MTSS1: variants seen among roughly 807,000 people sequenced by gnomAD.
MTSS1 encodes protein MTSS 1.
MTSS1 carries 18 observed loss-of-function variants against 79.0 expected under a neutral mutation model. That is an observed-to-expected ratio of 0.23 (90% confidence interval 0.16 to 0.34). The LOEUF is 0.34. Among genes scored for constraint, MTSS1 ranks in the 10% least tolerant of loss-of-function variants. The pLI is 1.00. For missense variants in MTSS1, 815 were observed against 986.2 expected (o/e 0.83, Z 2.33); for synonymous variants, 341 against 368.6 (o/e 0.93, Z 0.86).
At chr8:124,695,605 T>C (rs1281028648) in intron 3 of MTSS1, among the ~76,000 whole-genome samples, 1 of 152,190 alleles carries the variant, frequency 6.6e-6, no homozygotes, top group Non-Finnish European at 1.5e-5. Context: ...GAGCTTGTAG[T>C]AGCAAATACC....
intron 3 of MTSS1, among the ~76,000 whole-genome samples, chr8:124,607,251 G>A (rs1835032491): frequency 6.6e-6 from 1 of 152,216 alleles, no homozygotes; most frequent in Non-Finnish European, 1.5e-5. Flanking sequence ...AAAAGTGGCT[G>A]CAACTAAGCC....
intron 1 of MTSS1, among the ~76,000 whole-genome samples, chr8:124,714,424 A>G (rs540975931): frequency 6.6e-6 from 1 of 152,246 alleles, no homozygotes; most frequent in African/African-American, 2.4e-5. Flanking sequence ...TTTGCTCCTA[A>G]GCAATGGTTA....
intron 3 of MTSS1, among the ~76,000 whole-genome samples, chr8:124,613,453 G>A (rs1015373275): frequency 6.6e-6 from 1 of 152,214 alleles, no homozygotes. Context: ...ACAGCTTCAT[G>A]CAACAAAAGA....
At position 124,567,058 on chromosome 8, in the gene MTSS1, C is replaced by T. The variant is rs1826657649; in HGVS notation, c.726+13G>A. On this transcript the variant is annotated intron_variant, in intron 8 of 13. Coordinates refer to ENST00000518547, the MANE Select transcript of MTSS1 (RefSeq NM_014751.6). ...TGGTTTGATCCTGTAAGTGCTTAAC[C>T]CCTGAAGCCTACCTGTTCACTTGAG... The T allele has an allele frequency of 6.3e-7, 1 of 1,592,438 alleles. No homozygotes were observed.
intron 3 of MTSS1, among the ~76,000 whole-genome samples, chr8:124,596,617 G>T (rs1256470499): frequency 6.6e-6 from 1 of 152,174 alleles, no homozygotes; most frequent in Non-Finnish European, 1.5e-5. Flanking sequence ...GGCTTTTGGG[G>T]GCTGCTGTAA....
chr8:124,719,600 TGC>T, intron 1 of MTSS1, among the ~76,000 whole-genome samples: 1 of 152,232 alleles, frequency 6.6e-6, no homozygotes, highest in Non-Finnish European at 1.5e-5. Context: ...GCACCTGACA[TGC>T]AGTAGACATG....
intron 3 of MTSS1, among the ~76,000 whole-genome samples, chr8:124,688,031 C>T (rs1457152133): frequency 6.6e-6 from 1 of 152,088 alleles, no homozygotes; most frequent in Non-Finnish European, 1.5e-5. Flanking sequence ...CCATGGTAAC[C>T]GAGGTCCCTG....
At chr8:124,580,837 A>G (rs909167835) in intron 6 of MTSS1, among the ~76,000 whole-genome samples, 1 of 152,214 alleles carries the variant, frequency 6.6e-6, no homozygotes, top group Non-Finnish European at 1.5e-5. Flanking sequence ...AAGGATTTTT[A>G]AAAAGAGAGA....
At chr8:124,694,801 G>A (rs573831376) in intron 3 of MTSS1, among the ~76,000 whole-genome samples, 15 of 152,142 alleles carry the variant, frequency 9.9e-5, no homozygotes, top group Admixed American at 3.9e-4. Flanking sequence ...ACAAAGCCTC[G>A]GGTTCCAAGT....
chr8:124,636,794 AG>A (rs1387860792), intron 3 of MTSS1, among the ~76,000 whole-genome samples: 1 of 152,198 alleles, frequency 6.6e-6, no homozygotes, highest in Non-Finnish European at 1.5e-5. Context: ...ATTTGGCACA[AG>A]GACTTCTTGG....
chr8:124,628,634 C>T (rs765768503), intron 3 of MTSS1, among the ~76,000 whole-genome samples: 3 of 152,110 alleles, frequency 2.0e-5, no homozygotes, highest in South Asian at 4.2e-4. Flanking sequence ...CTTTCCCCAT[C>T]GATGACAGCA....
At position 124,727,718 on chromosome 8, in the gene MTSS1, G is replaced by A. The variant is rs1588028373; in HGVS notation, c.72+166C>T. On this transcript the variant is annotated intron_variant, in intron 1 of 13. Transcript: ENST00000518547. This position sits in a 1 kb window ranked among gnomAD's most constrained non-coding sequence, Gnocchi z 4.7. ...GCCCAGTGACCCCGCAGAGCCCGGA[G>A]CAGCGCCCCGGGTGAGCAGGTGACA... 1 of 681,232 alleles carries A rather than the reference G, an allele frequency of 1.5e-6. No individual in the cohort carries two copies. Among genetic ancestry groups the A allele is most frequent in the East Asian group, 2.9e-5 (1 of 33,952 alleles). 42.2% of individuals were successfully genotyped at this position (681,232 alleles called of 1,614,324 possible). A position where few individuals can be genotyped will look rare whatever the true frequency, so the allele number is the denominator to read the frequency against.
At chr8:124,681,195 C>G (rs1347529715) in intron 3 of MTSS1, among the ~76,000 whole-genome samples, 1 of 147,538 alleles carries the variant, frequency 6.8e-6, no homozygotes, top group Admixed American at 6.7e-5. Flanking sequence ...CACAGAGAAG[C>G]TGTGACATTT....
In MTSS1 at chr8:124,728,133, A is replaced by C; in HGVS notation, c.-178T>G. Reference sequence around the variant, plus strand: ...CGACTGTTCTCTGCCCAAAATAATAACAGTAATTTAAAAAGCCAAACCGCT... The same window carrying C: ...CGACTGTTCTCTGCCCAAAATAATACCAGTAATTTAAAAAGCCAAACCGCT... On this transcript the variant is annotated 5_prime_UTR_variant, in exon 1 of 14. Transcript: ENST00000518547. The surrounding 1 kb of genome is among the most constrained non-coding windows in gnomAD (Gnocchi z 6.1). The C allele has an allele frequency of 1.9e-6, 1 of 525,644 alleles. No homozygotes were observed. Among genetic ancestry groups the C allele is most frequent in the Non-Finnish European group, 3.3e-6 (1 of 299,614 alleles). The allele number at this position is 525,644 out of a possible 1,614,324, so 32.6% of individuals were successfully genotyped here.
chr8:124,638,315 C>T (rs1563912297), intron 3 of MTSS1, among the ~76,000 whole-genome samples: 2 of 152,224 alleles, frequency 1.3e-5, no homozygotes, highest in African/African-American at 4.8e-5. Context: ...TCTCTCTCTT[C>T]AACCCATGGA....
At chr8:124,559,710 A>G (rs746135143) in intron 10 of MTSS1, among the ~76,000 whole-genome samples, 2 of 152,188 alleles carry the variant, frequency 1.3e-5, no homozygotes, top group Non-Finnish European at 2.9e-5. Context: ...GACCTGGCAC[A>G]TGGCTGGTGC....
chr8:124,698,855 C>T (rs74694784), intron 3 of MTSS1, among the ~76,000 whole-genome samples: 3 of 152,006 alleles, frequency 2.0e-5, no homozygotes, highest in Non-Finnish European at 2.9e-5. Context: ...GTCAGGCATA[C>T]GGGGGTATTC....
chr8:124,656,440 A>T (rs192447993), intron 3 of MTSS1, among the ~76,000 whole-genome samples: 1 of 152,198 alleles, frequency 6.6e-6, no homozygotes, highest in East Asian at 1.9e-4. Context: ...AATTGCTACC[A>T]AAAGGACAAT....
chr8:124,688,340 ATGTGTGTTG>A (rs1827356240), intron 3 of MTSS1, among the ~76,000 whole-genome samples: 1 of 121,768 alleles, frequency 8.2e-6, no homozygotes, highest in African/African-American at 3.5e-5. Context: ...GTCTGTGTGT[ATGTGTGTTG>A]TGTGTGTGTT....
Sources: allele counts gnomAD v4.1 joint callset (sites outside exome capture counted in the v4.1 genomes callset), GRCh38; gene constraint gnomAD v4.1.1; non-coding constraint Gnocchi (gnomAD v3.1); transcripts MANE v1.5; gene names NCBI Gene and HGNC (gene_info 2026-07-23, HGNC 2026-07-21).